BNIPL: variants seen among roughly 807,000 people sequenced by gnomAD.
BNIPL encodes bcl-2/adenovirus E1B 19 kDa-interacting protein 2-like protein.
BNIPL carries 33 observed loss-of-function variants against 47.0 expected under a neutral mutation model. That is an observed-to-expected ratio of 0.70 (90% confidence interval 0.53 to 0.94). The LOEUF is 0.94. Among genes scored for constraint, BNIPL ranks in the 40% least tolerant of loss-of-function variants. The pLI, the probability that BNIPL is intolerant of heterozygous loss-of-function variation, is 0.00. For missense variants in BNIPL, 404 were observed against 445.2 expected (o/e 0.91, Z 0.83); for synonymous variants, 145 against 162.7 (o/e 0.89, Z 0.83).
intron 4 of BNIPL, among the ~76,000 whole-genome samples, chr1:151,042,012 A>G (rs76596957): frequency 0.015 from 2,256 of 152,056 alleles, 45 homozygotes; most frequent in African/African-American, 0.051. Context: ...AGGGAGAATA[A>G]GAAGAATAAT....
In BNIPL at chr1:151,042,965, C is replaced by T; in HGVS notation, c.443C>T (p.Pro148Leu). The T allele has an allele frequency of 1.3e-6, 2 of 1,577,786 alleles. No homozygotes were observed. Among genetic ancestry groups the T allele is most frequent in the Non-Finnish European group, 1.7e-6 (2 of 1,168,638 alleles). The change falls in exon 5 of 10, where the codon CCC becomes CTC. Residue 148 changes from proline (P) to leucine (L), a missense_variant. Physicochemically the swap from Pro to Leu is moderately conservative, Grantham distance 98. Transcript: ENST00000368931. ...GHEFEWEDEL[P>L]RAEGLGTSET... is the part of the protein sequence containing the mutation. ...CATCCCTCTCTTTTAGATGAACTAC[C>T]CCGGGCAGAGGGTCTGGGCACCAGT...
chr1:151,043,347 G>T lies in BNIPL; in HGVS notation c.632G>T (p.Gly211Val). ...CACTCTCCAGGTTACCACGGTGATG[G>T]CCTCAATGCTGTCATCCTTTTTGCT... ...VLSHGGYHGD[G>V]LNAVILFASC... Residue 211 changes from glycine (G) to valine (V), a missense_variant, in exon 6 of 10, where the codon GGC becomes GTC. Gly to Val is a moderately radical substitution (Grantham distance 109). Transcript: ENST00000368931. 6.2e-7 allele frequency: 1 copy of T among 1,608,476 alleles called. No homozygotes were observed.
Position 151,046,781 on chromosome 1 carries a change from C to G in BNIPL, c.*94C>G. 2 of 1,041,134 alleles carry G rather than the reference C, an allele frequency of 1.9e-6. No individual in the cohort carries two copies. The highest frequency in any genetic ancestry group is 2.8e-6 in the Non-Finnish European group (2 of 714,888). The allele number at this position is 1,041,134 out of a possible 1,614,324, so 64.5% of individuals were successfully genotyped here. A position where few individuals can be genotyped will look rare whatever the true frequency, so the allele number is the denominator to read the frequency against. On this transcript the variant is annotated 3_prime_UTR_variant, in exon 10 of 10. Coordinates refer to ENST00000368931, the MANE Select transcript of BNIPL (RefSeq NM_138278.4). ...GAACTGTTTTGTAAATCATCTTATC[C>G]CCAACCTCAGTACCACCGGATCTTC...
At chr1:151,043,824 C>T in intron 7 of BNIPL, 97 bp downstream of exon 7, 1 of 1,407,580 alleles carries the variant, frequency 7.1e-7, no homozygotes. Context: ...TTCCTATTTT[C>T]TTTGTCCTTT....
At position 151,047,678 on chromosome 1, in the gene BNIPL, G is replaced by C; in HGVS notation, c.*991G>C. 4 of 1,148,730 alleles carry C rather than the reference G, an allele frequency of 3.5e-6. No homozygotes were observed. The South Asian group carries it at 5.3e-5, about 15-fold the overall frequency. 71.2% of individuals were successfully genotyped at this position (1,148,730 alleles called of 1,614,324 possible). A position where few individuals can be genotyped will look rare whatever the true frequency, so the allele number is the denominator to read the frequency against. ...GAGTTCTTGCCGCAGAGGTTCCTTA[G>C]GAGCACCCCGCGCGGCCCGCGCGAG... On this transcript the variant is annotated 3_prime_UTR_variant, in exon 10 of 10. Transcript: ENST00000368931.
intron 4 of BNIPL, among the ~76,000 whole-genome samples, chr1:151,040,710 G>A (rs1366982833): frequency 7.4e-5 from 11 of 148,102 alleles, no homozygotes; most frequent in South Asian, 2.2e-4. Flanking sequence ...CAGGAGAATC[G>A]CTTGAACCGG....
rs1558097221 is a variant in BNIPL, at chr1:151,036,757, C to T, written c.32C>T (p.Thr11Ile). 32 of 1,610,874 alleles carry T rather than the reference C, an allele frequency of 2.0e-5. No homozygotes were observed. Among genetic ancestry groups the T allele is most frequent in the Non-Finnish European group, 2.5e-5 (30 of 1,177,112 alleles). The change falls in exon 1 of 10, where the codon ACA (threonine) becomes ATA (isoleucine). Residue 11 changes from threonine to isoleucine, a missense_variant. Coordinates refer to ENST00000368931, the MANE Select transcript of BNIPL (RefSeq NM_138278.4). MGTIQEAGKK[T>I]DVGVREIAEA... is the part of the protein sequence containing the mutation. ...ACTATACAAGAGGCAGGAAAAAAGA[C>T]AGATGTTGGGTAAGTAAGATCTTGG... is the stretch of plus-strand genomic sequence containing the variant.
intron 1 of BNIPL, among the ~76,000 whole-genome samples, 164 bp downstream of exon 1, chr1:151,036,930 G>A (rs965879492): frequency 6.6e-6 from 1 of 152,214 alleles, no homozygotes; most frequent in Admixed American, 6.5e-5. Flanking sequence ...GGTAGGAAAT[G>A]TCAGTATGGT....
chr1:151,039,617 C>T (rs114960392), intron 4 of BNIPL, among the ~76,000 whole-genome samples: 1,645 of 151,930 alleles, frequency 0.011, 42 homozygotes, highest in African/African-American at 0.038. Flanking sequence ...TATGAAGGGC[C>T]GGGAGGTGAA....
Position 151,046,738 on chromosome 1 carries a change from T to A in BNIPL, c.*51T>A. The A allele has an allele frequency of 1.4e-6, 2 of 1,422,010 alleles. No individual in the cohort carries two copies. Among genetic ancestry groups the A allele is most frequent in the Non-Finnish European group, 2.0e-6 (2 of 1,020,378 alleles). 88.1% of individuals were successfully genotyped at this position (1,422,010 alleles called of 1,614,324 possible). ...AACCAGTTAGTGATCTGCCTACACC[T>A]GAATCCCTGAAACATCTGAACTGTT... On this transcript the variant is annotated 3_prime_UTR_variant, in exon 10 of 10. Coordinates refer to ENST00000368931, the MANE Select transcript of BNIPL (RefSeq NM_138278.4).
intron 6 of BNIPL, 60 bp downstream of exon 6, chr1:151,043,494 ACTC>A: frequency 1.3e-6 from 2 of 1,554,638 alleles, no homozygotes; most frequent in South Asian, 2.2e-5. Context: ...GTAAAAAAGA[ACTC>A]CTTCAAAGAT....
chr1:151,042,399 G>A (rs920516012), intron 4 of BNIPL, among the ~76,000 whole-genome samples: 6 of 151,894 alleles, frequency 4.0e-5, no homozygotes, highest in East Asian at 1.9e-4. Flanking sequence ...TTACAGGCAC[G>A]AGCCATTGAG....
In BNIPL at chr1:151,046,718, GT is replaced by G; in HGVS notation, c.*33del. On this transcript the variant is annotated 3_prime_UTR_variant, in exon 10 of 10. Coordinates refer to ENST00000368931, the MANE Select transcript of BNIPL (RefSeq NM_138278.4). ...GACTGGATAAAAGGCCTTAGAACCAGTTAGTGATCTGCCTACACCTGAATCC... is the reference window on the plus strand; with the variant it reads ...GACTGGATAAAAGGCCTTAGAACCAGTAGTGATCTGCCTACACCTGAATCC... The G allele has an allele frequency of 6.5e-7, 1 of 1,538,006 alleles. No individual in the cohort carries two copies. The highest frequency in any genetic ancestry group is 9.0e-7 in the Non-Finnish European group (1 of 1,114,304).
chr1:151,047,501 G>A lies in BNIPL; in HGVS notation c.*814G>A. The stretch of plus-strand genomic sequence containing the variant: ...TCATGTCTGCTGCCTGTGAGCCTGG[G>A]AAGGAGTGCTTTCAAAACCTGTATT... On this transcript the variant is annotated 3_prime_UTR_variant, in exon 10 of 10. Coordinates refer to ENST00000368931, the MANE Select transcript of BNIPL (RefSeq NM_138278.4). The A allele has an allele frequency of 4.0e-6, 1 of 250,848 alleles. No homozygotes were observed. The highest frequency in any genetic ancestry group is 8.4e-5 in the East Asian group (1 of 11,914). 15.5% of individuals were successfully genotyped at this position (250,848 alleles called of 1,614,324 possible).
intron 4 of BNIPL, among the ~76,000 whole-genome samples, chr1:151,041,776 C>T (rs1242642050): frequency 1.3e-5 from 2 of 152,134 alleles, no homozygotes; most frequent in Non-Finnish European, 1.5e-5. Context: ...GAGTTTGAGA[C>T]AAGCCTGGCC....
At chr1:151,039,507 G>A (rs1360205695) in intron 4 of BNIPL, among the ~76,000 whole-genome samples, 2 of 152,184 alleles carry the variant, frequency 1.3e-5, no homozygotes, top group Non-Finnish European at 2.9e-5. Context: ...ACATTTATCA[G>A]GTAGTTGGAG....
Position 151,045,893 on chromosome 1 carries a change from C to T in BNIPL, c.938+10C>T. On this transcript the variant is annotated intron_variant, in intron 8 of 9. Coordinates refer to ENST00000368931, the MANE Select transcript of BNIPL (RefSeq NM_138278.4). ...TTCGGCCCTTCATCAGGTACTAGTT[C>T]TAGGAACAAGGACTCCTTTCTCCTT... The T allele has an allele frequency of 2.5e-6, 4 of 1,614,110 alleles. No individual in the cohort carries two copies. Among genetic ancestry groups the T allele is most frequent in the Non-Finnish European group, 3.4e-6 (4 of 1,180,020 alleles).
chr1:151,046,297 A>T lies in BNIPL; in HGVS notation c.1037+132A>T, dbSNP rs1676020999. The T allele has an allele frequency of 2.1e-5, 29 of 1,376,910 alleles. No homozygotes were observed. The South Asian group carries it at 4.0e-4, about 19-fold the overall frequency. The allele number at this position is 1,376,910 out of a possible 1,614,324, so 85.3% of individuals were successfully genotyped here. A position where few individuals can be genotyped will look rare whatever the true frequency, so the allele number is the denominator to read the frequency against. On this transcript the variant is annotated intron_variant, in intron 9 of 9. Coordinates refer to ENST00000368931, the MANE Select transcript of BNIPL (RefSeq NM_138278.4). ...CCTGTTTTCGGGTGCTTTAATGTAT[A>T]TGGGGAAACTGCACACACCCAGAGA... is the stretch of plus-strand genomic sequence containing the variant.
intron 4 of BNIPL, among the ~76,000 whole-genome samples, chr1:151,042,283 T>C (rs770938163): frequency 2.3e-4 from 35 of 151,904 alleles, no homozygotes; most frequent in Non-Finnish European, 4.1e-4. Context: ...AATTTTATTA[T>C]TTTTTAAATT....
Sources: allele counts gnomAD v4.1 joint callset (sites outside exome capture counted in the v4.1 genomes callset), GRCh38; gene constraint gnomAD v4.1.1; transcripts MANE v1.5; gene names NCBI Gene and HGNC (gene_info 2026-07-23, HGNC 2026-07-21).